LDB3: variants seen among roughly 807,000 people sequenced by gnomAD.
LDB3 encodes the protein LIM domain-binding protein 3.
LDB3 carries 49 observed loss-of-function variants against 69.0 expected under a neutral mutation model. The ratio of observed to expected loss-of-function variants is 0.71; its 90% CI spans 0.56 to 0.90. The LOEUF is 0.90. Among genes scored for constraint, LDB3 ranks in the 40% least tolerant of loss-of-function variants. The pLI, the probability that LDB3 is intolerant of heterozygous loss-of-function variation, is 0.00. For missense variants in LDB3, 928 were observed against 974.1 expected (o/e 0.95, Z 0.63); for synonymous variants, 387 against 396.2 (o/e 0.98, Z 0.28).
chr10:86,709,233 G>T (rs766854552), intron 8 of LDB3, among the ~76,000 whole-genome samples: 4 of 152,186 alleles, frequency 2.6e-5, no homozygotes, highest in Non-Finnish European at 5.9e-5. Context: ...TCTCCTGAGG[G>T]TAATGAACTA....
chr10:86,733,145 T>G lies in LDB3; in HGVS notation c.*169T>G. 1 of 624,428 alleles carries G rather than the reference T, an allele frequency of 1.6e-6. No individual in the cohort carries two copies. The highest frequency in any genetic ancestry group is 2.9e-6 in the Non-Finnish European group (1 of 348,632). 38.7% of individuals were successfully genotyped at this position (624,428 alleles called of 1,614,324 possible). ...TTTCTTCTGTACACAGATCGTGCAT[T>G]TGCATAGTTCAGACTAGGAGCCAAA... is the stretch of plus-strand genomic sequence containing the variant. On this transcript the variant is annotated 3_prime_UTR_variant, in exon 14 of 14. Transcript: ENST00000361373.
At chr10:86,685,154 T>C (rs1845396810) in intron 5 of LDB3, among the ~76,000 whole-genome samples, 1 of 152,056 alleles carries the variant, frequency 6.6e-6, no homozygotes, top group Admixed American at 6.5e-5. Context: ...TGGGGGGGCA[T>C]AGGAAACCCC....
At chr10:86,676,696 T>G (rs1176335563) in intron 2 of LDB3, among the ~76,000 whole-genome samples, 1 of 152,112 alleles carries the variant, frequency 6.6e-6, no homozygotes, top group Non-Finnish European at 1.5e-5. Context: ...TGTAGGGCAG[T>G]GTTTCCGTGA....
rs1846937833 is a variant in LDB3 at position 86,718,010 on chromosome 10, T to A, written c.1723T>A (p.Phe575Ile). 1.2e-6 allele frequency: 2 copies of A among 1,614,106 alleles called. No individual in the cohort carries two copies. The highest frequency in any genetic ancestry group is 8.5e-7 in the Non-Finnish European group (1 of 1,180,016). ...GGGCCGTTCTTGGCACCCTGAAGAGTTCACCTGTGCCTACTGCAAGACTTC... is the reference window on the plus strand; with the variant it reads ...GGGCCGTTCTTGGCACCCTGAAGAGATCACCTGTGCCTACTGCAAGACTTC... ...AMGRSWHPEE[F>I]TCAYCKTSLA... The change falls in exon 11 of 14, where the codon TTC (phenylalanine) becomes ATC (isoleucine). Residue 575 changes from phenylalanine to isoleucine, a missense_variant. Coordinates refer to ENST00000361373, the MANE Select transcript of LDB3 (RefSeq NM_007078.3).
At chr10:86,702,562 A>G (rs1846305152) in intron 7 of LDB3, among the ~76,000 whole-genome samples, 5 of 152,140 alleles carry the variant, frequency 3.3e-5, no homozygotes, top group African/African-American at 1.2e-4. Flanking sequence ...ATGTGGGCCT[A>G]GTTTGGTTTG....
Position 86,734,618 on chromosome 10 carries a change from C to T in LDB3, c.*1642C>T, listed in dbSNP as rs1240075725. The stretch of plus-strand genomic sequence containing the variant: ...AGACTTCCAGGGGATTGCCATCTTA[C>T]CTGTCTCTTCTCCATGAGGGAGAAG... On this transcript the variant is annotated 3_prime_UTR_variant, in exon 14 of 14. Coordinates refer to ENST00000361373, the MANE Select transcript of LDB3 (RefSeq NM_007078.3). 1 of 152,196 alleles carries T rather than the reference C, an allele frequency of 6.6e-6. No individual in the cohort carries two copies. The allele number at this position is 152,196 out of a possible 1,614,324, so 9.4% of individuals were successfully genotyped here.
chr10:86,671,275 A>G (rs1485741005), intron 2 of LDB3, among the ~76,000 whole-genome samples: 1 of 152,034 alleles, frequency 6.6e-6, no homozygotes, highest in African/African-American at 2.4e-5. Context: ...CACCCCTCTA[A>G]CTGGGACTAA....
At chr10:86,669,662 G>A (rs1010657507) in intron 2 of LDB3, among the ~76,000 whole-genome samples, 39 of 152,244 alleles carry the variant, frequency 2.6e-4, no homozygotes, top group African/African-American at 9.2e-4. Flanking sequence ...CCCCAGCAAG[G>A]CACTGGTAGA....
chr10:86,726,021 A>G (rs1847238699), intron 12 of LDB3, 116 bp from the exon 13 acceptor site: 3 of 720,418 alleles, frequency 4.2e-6, no homozygotes, highest in African/African-American at 3.5e-5. Context: ...GTGAGATGAC[A>G]AACAACCAAT....
chr10:86,699,950 G>T lies in LDB3; in HGVS notation c.897-6581G>T, dbSNP rs1022090230. ...CCTGGCAGTGGTGAGGTGGGGGCAT[G>T]CACCCTCCTTTCTGTACCGTGTGTG... On this transcript the variant is annotated intron_variant, in intron 7 of 13. Transcript: ENST00000361373. This position sits in a 1 kb window ranked among gnomAD's most constrained non-coding sequence, Gnocchi z 4.9. 5.0e-6 allele frequency: 5 copies of T among 1,002,144 alleles called. No homozygotes were observed. The highest frequency in any genetic ancestry group is 2.0e-4 in the East Asian group (2 of 10,106). The allele number at this position is 1,002,144 out of a possible 1,614,324, so 62.1% of individuals were successfully genotyped here. A position where few individuals can be genotyped will look rare whatever the true frequency, so the allele number is the denominator to read the frequency against.
At chr10:86,670,789 C>T (rs1054093834) in intron 2 of LDB3, among the ~76,000 whole-genome samples, 6 of 152,232 alleles carry the variant, frequency 3.9e-5, no homozygotes, top group African/African-American at 9.6e-5. Context: ...AGGGGCATAC[C>T]CCAAATCACC....
At chr10:86,718,472 AC>A in intron 11 of LDB3, among the ~76,000 whole-genome samples, 1 of 152,148 alleles carries the variant, frequency 6.6e-6, no homozygotes, top group Non-Finnish European at 1.5e-5. Context: ...AATAAGCAGT[AC>A]CTCCTCCCAG....
chr10:86,711,097 G>T (rs1303716106), intron 9 of LDB3, among the ~76,000 whole-genome samples: 1 of 152,232 alleles, frequency 6.6e-6, no homozygotes, highest in Non-Finnish European at 1.5e-5. Flanking sequence ...GGCTGCCCCT[G>T]CAGAGACTGG....
Position 86,679,248 on chromosome 10 carries a change from G to A in LDB3, c.94-119G>A, listed in dbSNP as rs4468255. 385,182 of 1,260,070 alleles carry A rather than the reference G, an allele frequency of 0.31. 62,016 individuals are homozygous for A. Among genetic ancestry groups the A allele is most frequent in the South Asian group, 0.41 (33,683 of 81,798 alleles). 78.1% of individuals were successfully genotyped at this position (1,260,070 alleles called of 1,614,324 possible). ...GTTAGCAGCTGGTACTGGCCGTAGC[G>A]AATGAAAAACACAATGACGGCTTCT... On this transcript the variant is annotated intron_variant, in intron 2 of 13. Coordinates refer to ENST00000361373, the MANE Select transcript of LDB3 (RefSeq NM_007078.3).
In LDB3 at chr10:86,706,438, GC is replaced by G. The variant is rs919194770; in HGVS notation, c.897-91del. The G allele has an allele frequency of 2.2e-5, 30 of 1,361,490 alleles. No homozygotes were observed. The African/African-American group carries it at 4.3e-4, about 19-fold the overall frequency. 84.3% of individuals were successfully genotyped at this position (1,361,490 alleles called of 1,614,324 possible). On this transcript the variant is annotated intron_variant, in intron 7 of 13. Transcript: ENST00000361373. ...GCAGGTGGAGCTTTCTGCCCAGCCT[GC>G]CTCTGCTGCAGCCACCTGCCCCCAT...
At chr10:86,710,369 C>T in intron 9 of LDB3, 7 of 570,366 alleles carry the variant, frequency 1.2e-5, no homozygotes, top group East Asian at 1.5e-4. Flanking sequence ...GCAGGAGGAT[C>T]GCCTGAGGTC....
rs1847544658 is a variant in LDB3, at chr10:86,733,521, C to T, written c.*545C>T. On this transcript the variant is annotated 3_prime_UTR_variant, in exon 14 of 14. Coordinates refer to ENST00000361373, the MANE Select transcript of LDB3 (RefSeq NM_007078.3). ...TACTAGCGTCATGGAGCTACCTCTG[C>T]GCATCAGACTTCAGACCTTGAACAA... 1.3e-5 allele frequency: 2 copies of T among 158,264 alleles called. No homozygotes were observed. Among genetic ancestry groups the T allele is most frequent in the Admixed American group, 6.1e-5 (1 of 16,414 alleles). 9.8% of individuals were successfully genotyped at this position (158,264 alleles called of 1,614,324 possible). A position where few individuals can be genotyped will look rare whatever the true frequency, so the allele number is the denominator to read the frequency against.
At chr10:86,728,835 C>T (rs540591206) in intron 13 of LDB3, among the ~76,000 whole-genome samples, 1 of 152,160 alleles carries the variant, frequency 6.6e-6, no homozygotes, top group African/African-American at 2.4e-5. Flanking sequence ...CCACCTCGGC[C>T]TCCCAAAGTG....
chr10:86,685,771 G>A (rs985078822), intron 5 of LDB3: 35 of 1,546,146 alleles, frequency 2.3e-5, no homozygotes, highest in Admixed American at 1.2e-4. Flanking sequence ...TGTGTCTGGC[G>A]TGGATAGAGT....
Sources: allele counts gnomAD v4.1 joint callset (sites outside exome capture counted in the v4.1 genomes callset), GRCh38; gene constraint gnomAD v4.1.1; non-coding constraint Gnocchi (gnomAD v3.1); transcripts MANE v1.5; gene names NCBI Gene and HGNC (gene_info 2026-07-23, HGNC 2026-07-21).